PIP5K1B: variants seen among roughly 807,000 people sequenced by gnomAD.
PIP5K1B encodes phosphatidylinositol 4-phosphate 5-kinase type-1 beta.
In PIP5K1B, 42 loss-of-function variants were observed where a neutral mutation model predicts 67.0. That is an observed-to-expected ratio of 0.63 (90% CI 0.49 to 0.81). PIP5K1B has a LOEUF of 0.81. Ranked by LOEUF, PIP5K1B falls within the 30% of genes least tolerant of loss-of-function variation. The probability of loss-of-function intolerance (pLI) is 0.00; values close to 1 mark genes in which losing one functional copy is unlikely to be tolerated. For missense variants in PIP5K1B, 459 were observed against 646.3 expected (o/e 0.71, Z 3.14); for synonymous variants, 214 against 231.4 (o/e 0.92, Z 0.68).
At chr9:68,911,377 TA>T (rs60001726) in intron 8 of PIP5K1B, among the ~76,000 whole-genome samples, 104,340 of 133,500 alleles carry the variant, frequency 0.78, 42,127 homozygotes, top group South Asian at 0.9. Context: ...CCATCTCAAA[TA>T]AAAAAAAAAA....
In PIP5K1B at chr9:69,004,075, G is replaced by A. The variant is rs560046430; in HGVS notation, c.1621-4372G>A. Among the ~76,000 whole-genome samples the A allele has an allele frequency of 2.6e-5, 4 of 152,218 alleles. No individual in the cohort carries two copies. The East Asian group carries it at 7.7e-4, about 29-fold the overall frequency. ...TCTGACCCCTTGTGTACATACTATTGTGTAGTTTCAATCATAGAATCAAGC... is the reference window on the plus strand; with the variant it reads ...TCTGACCCCTTGTGTACATACTATTATGTAGTTTCAATCATAGAATCAAGC... On this transcript the variant is annotated intron_variant, in intron 15 of 15. Coordinates refer to ENST00000265382, the MANE Select transcript of PIP5K1B (RefSeq NM_003558.4).
At chr9:68,920,009 C>CT (rs1377911569) in intron 11 of PIP5K1B, among the ~76,000 whole-genome samples, 2 of 152,148 alleles carry the variant, frequency 1.3e-5, no homozygotes, top group Non-Finnish European at 2.9e-5. Context: ...TGAGAGAGGT[C>CT]TTTTTTTGTA....
At chr9:68,964,741 G>C (rs948636394) in intron 14 of PIP5K1B, among the ~76,000 whole-genome samples, 2 of 152,244 alleles carry the variant, frequency 1.3e-5, no homozygotes, top group African/African-American at 4.8e-5. Context: ...AGCCATCTGG[G>C]AAGACTACCG....
At chr9:68,864,354 TAAA>T (rs942576596) in intron 5 of PIP5K1B, among the ~76,000 whole-genome samples, 1 of 152,194 alleles carries the variant, frequency 6.6e-6, no homozygotes, top group Non-Finnish European at 1.5e-5. Flanking sequence ...CCCCCTAATT[TAAA>T]AGCATGGGCT....
chr9:68,894,558 CT>C lies in PIP5K1B; in HGVS notation c.692del (p.Leu231ArgfsTer19), dbSNP rs1226936542. 1 of 1,614,072 alleles carries C rather than the reference CT, an allele frequency of 6.2e-7. No individual in the cohort carries two copies. The highest frequency in any genetic ancestry group is 1.7e-5 in the Admixed American group (1 of 60,024). ...SNPTFKDLDF[L>X]QDMHEGLYFD... ...CCCCACATTTAAGGACTTAGATTTC[CT>C]GCAAGACATGCACGAAGGGTTGTAT... On this transcript the variant is annotated frameshift_variant, in exon 8 of 16. Transcript: ENST00000265382. LOFTEE classifies it high-confidence loss of function.
At chr9:68,985,751 C>G (rs1045174270) in intron 14 of PIP5K1B, among the ~76,000 whole-genome samples, 3 of 152,192 alleles carry the variant, frequency 2.0e-5, no homozygotes, top group Admixed American at 1.3e-4. Context: ...CCAGAGAGCT[C>G]GAAATCTCAG....
intron 3 of PIP5K1B, among the ~76,000 whole-genome samples, chr9:68,821,980 T>C (rs892574454): frequency 2.6e-5 from 4 of 152,316 alleles, no homozygotes; most frequent in Middle Eastern, 3.4e-3. Flanking sequence ...TAAGATAGTA[T>C]TGTAAGTTTT....
intron 1 of PIP5K1B, among the ~76,000 whole-genome samples, chr9:68,717,889 CTG>C (rs1176005350): frequency 6.6e-6 from 1 of 152,174 alleles, no homozygotes; most frequent in African/African-American, 2.4e-5. Context: ...GAAATGTCCT[CTG>C]TTATTTTCTG....
At chr9:68,877,096 TTTTG>T (rs1823936035) in intron 6 of PIP5K1B, among the ~76,000 whole-genome samples, 1 of 152,208 alleles carries the variant, frequency 6.6e-6, no homozygotes, top group Non-Finnish European at 1.5e-5. Context: ...CTCCTGTGAA[TTTTG>T]CTGATTAGAT....
chr9:68,958,506 C>T (rs962413712), intron 14 of PIP5K1B, among the ~76,000 whole-genome samples: 102 of 152,100 alleles, frequency 6.7e-4, no homozygotes, highest in African/African-American at 2.2e-3. Context: ...GACAAGAGAG[C>T]GGTTTGTGCA....
chr9:68,912,792 G>T (rs2132492090), intron 8 of PIP5K1B, among the ~76,000 whole-genome samples: 1 of 152,322 alleles, frequency 6.6e-6, no homozygotes, highest in East Asian at 1.9e-4. Flanking sequence ...ATAGTTTGCA[G>T]TGTGATGTGG....
intron 15 of PIP5K1B, among the ~76,000 whole-genome samples, chr9:69,005,526 G>A (rs61007216): frequency 5.3e-5 from 8 of 152,124 alleles, no homozygotes; most frequent in East Asian, 1.9e-4. Flanking sequence ...ACAGGCATGC[G>A]CCACCACACG....
chr9:68,913,884 C>T lies in PIP5K1B; in HGVS notation c.772-3664C>T, dbSNP rs181962873. 1.1e-3 allele frequency among the ~76,000 whole-genome samples: 167 copies of T among 151,568 alleles called. 1 individual carries two copies. The highest frequency in any genetic ancestry group is 3.8e-3 in the African/African-American group (158 of 41,184). ...GAATTTATTCTTTAAAAAAAAAAAT[C>T]GGACCCCTTACAGGATCAGGATAGT... On this transcript the variant is annotated intron_variant, in intron 8 of 15. Coordinates refer to ENST00000265382, the MANE Select transcript of PIP5K1B (RefSeq NM_003558.4).
chr9:68,706,797 C>G (rs2132224988), intron 1 of PIP5K1B, among the ~76,000 whole-genome samples: 1 of 152,288 alleles, frequency 6.6e-6, no homozygotes, highest in Admixed American at 6.5e-5. Context: ...ACTTCTGAGT[C>G]TCGGTTTGGG....
intron 6 of PIP5K1B, among the ~76,000 whole-genome samples, chr9:68,885,162 T>G (rs1374233362): frequency 6.6e-6 from 1 of 152,198 alleles, no homozygotes; most frequent in Non-Finnish European, 1.5e-5. Context: ...TAGAACAGCA[T>G]GGATGATCAT....
intron 8 of PIP5K1B, among the ~76,000 whole-genome samples, chr9:68,908,664 G>C (rs1359406974): frequency 6.6e-6 from 1 of 152,174 alleles, no homozygotes; most frequent in Non-Finnish European, 1.5e-5. Context: ...TGAAAAGAAA[G>C]TGTTTGGCTC....
intron 14 of PIP5K1B, among the ~76,000 whole-genome samples, chr9:68,967,294 A>G (rs1220718687): frequency 1.3e-5 from 2 of 152,178 alleles, no homozygotes; most frequent in African/African-American, 2.4e-5. Flanking sequence ...TGATGCTCCA[A>G]CTGAGGAGTT....
chr9:68,710,334 C>G (rs1160839002), intron 1 of PIP5K1B, among the ~76,000 whole-genome samples: 2 of 152,072 alleles, frequency 1.3e-5, no homozygotes, highest in Admixed American at 6.5e-5. Flanking sequence ...TGCTGAGTGC[C>G]AGAGAACTGG....
chr9:68,794,105 A>C (rs1402308420), intron 2 of PIP5K1B, among the ~76,000 whole-genome samples: 1 of 152,202 alleles, frequency 6.6e-6, no homozygotes, highest in East Asian at 1.9e-4. Flanking sequence ...AGTGACATAG[A>C]GGTTACAAGT....
Sources: gnomAD v4.1 joint callset for allele counts (sites outside exome capture counted in the v4.1 genomes callset) on GRCh38, gnomAD v4.1.1 for gene constraint, MANE v1.5 for transcripts, NCBI Gene and HGNC (gene_info 2026-07-23, HGNC 2026-07-21) for gene names.